GNA14: variants seen among roughly 807,000 people sequenced by gnomAD.
The protein encoded by GNA14 is guanine nucleotide-binding protein subunit alpha-14.
Under a neutral mutation model 42.0 loss-of-function variants are expected in GNA14, and 50 were observed. That is an observed-to-expected ratio of 1.19 (90% CI 0.95 to 1.51). The LOEUF is 1.51. GNA14 is among the 40% of genes most tolerant of loss of function. The pLI is 0.00. For missense variants in GNA14, 473 were observed against 446.2 expected (o/e 1.06, Z -0.54); for synonymous variants, 173 against 163.1 (o/e 1.06, Z -0.46).
chr9:77,575,874 A>G (rs1040532595), intron 1 of GNA14, among the ~76,000 whole-genome samples: 7 of 152,206 alleles, frequency 4.6e-5, no homozygotes, highest in African/African-American at 1.7e-4. Flanking sequence ...GAAGACAAGT[A>G]TAAGAACTGC....
chr9:77,568,522 G>A (rs1823008722), intron 1 of GNA14, among the ~76,000 whole-genome samples: 1 of 151,282 alleles, frequency 6.6e-6, no homozygotes, highest in Non-Finnish European at 1.5e-5. Context: ...AAGAAAGAAA[G>A]AATGTTAACT....
chr9:77,568,794 G>T (rs1823012928), intron 1 of GNA14, among the ~76,000 whole-genome samples: 1 of 152,210 alleles, frequency 6.6e-6, no homozygotes, highest in Non-Finnish European at 1.5e-5. Flanking sequence ...GAGCTGAGGA[G>T]CAGGCTGCAG....
intron 2 of GNA14, among the ~76,000 whole-genome samples, chr9:77,514,699 C>T (rs549449112): frequency 5.3e-5 from 8 of 151,318 alleles, no homozygotes; most frequent in East Asian, 2.0e-4. Context: ...CTGCAAGCTC[C>T]GCCTCCCGGG....
At chr9:77,434,286 G>A in intron 3 of GNA14, 82 bp downstream of exon 3, 2 of 1,295,294 alleles carry the variant, frequency 1.5e-6, no homozygotes, top group Middle Eastern at 2.7e-4. Flanking sequence ...CATTTCAGCA[G>A]CGTTCAGCGA....
intron 2 of GNA14, among the ~76,000 whole-genome samples, chr9:77,495,213 A>G (rs549035149): frequency 1.8e-4 from 27 of 152,298 alleles, no homozygotes; most frequent in South Asian, 6.2e-4. Context: ...CCAGGCTGCT[A>G]CACAGCGAAT....
rs11406003 is a variant in GNA14 at position 77,469,534 on chromosome 9, C to CAA, written c.310-35014_310-35013dup. ...CTCTCTGCAAGAAAAGACTGACAAC[C>CAA]AAAAAAAAAAAAAGTCTGGTTAAAG... On this transcript the variant is annotated intron_variant, in intron 2 of 6. Transcript: ENST00000341700. Among the ~76,000 whole-genome samples, 204 of 144,882 alleles carry CAA rather than the reference C, an allele frequency of 1.4e-3. 3 individuals are homozygous for CAA. In the South Asian group the frequency reaches 0.02, roughly 15 times the overall value.
At chr9:77,492,772 C>T (rs1836799141) in intron 2 of GNA14, among the ~76,000 whole-genome samples, 1 of 151,780 alleles carries the variant, frequency 6.6e-6, no homozygotes. Context: ...GAGGCCAAGG[C>T]AGGCAGATCA....
intron 1 of GNA14, among the ~76,000 whole-genome samples, chr9:77,571,072 T>G (rs866636863): frequency 1.3e-5 from 2 of 151,138 alleles, no homozygotes; most frequent in Admixed American, 6.6e-5. Flanking sequence ...AAAAATGGGC[T>G]AGAATTGTAT....
rs189427883 is a variant in GNA14, at chr9:77,492,646, A to G, written c.309+36423T>C. 2.8e-3 allele frequency among the ~76,000 whole-genome samples: 427 copies of G among 152,264 alleles called. 3 individuals carry two copies. The highest frequency in any genetic ancestry group is 9.6e-3 in the African/African-American group (401 of 41,560). ...AGAAAACCCTAACGCAATGTATAGC[A>G]TCTTAACATGCATTTCCCAGAACCC... On this transcript the variant is annotated intron_variant, in intron 2 of 6. Coordinates refer to ENST00000341700, the MANE Select transcript of GNA14 (RefSeq NM_004297.4).
chr9:77,530,394 C>T (rs1837509370), intron 1 of GNA14, among the ~76,000 whole-genome samples: 1 of 152,106 alleles, frequency 6.6e-6, no homozygotes, highest in Non-Finnish European at 1.5e-5. Context: ...CTGAGGCCTC[C>T]CCAGAAGCCG....
chr9:77,494,003 C>T (rs764951148), intron 2 of GNA14, among the ~76,000 whole-genome samples: 16 of 152,184 alleles, frequency 1.1e-4, no homozygotes, highest in Admixed American at 4.6e-4. Flanking sequence ...TCACAGCAAC[C>T]TCCGCCTCCC....
At chr9:77,531,074 A>G (rs1187466973) in intron 1 of GNA14, among the ~76,000 whole-genome samples, 1 of 152,204 alleles carries the variant, frequency 6.6e-6, no homozygotes, top group Non-Finnish European at 1.5e-5. Flanking sequence ...TGCCTTGGAT[A>G]CCCAGAAGCA....
chr9:77,487,732 TAGC>T (rs1421493556), intron 2 of GNA14, among the ~76,000 whole-genome samples: 2 of 152,146 alleles, frequency 1.3e-5, no homozygotes, highest in African/African-American at 4.8e-5. Context: ...TGTGGGTAAA[TAGC>T]AGTAAGAATA....
At chr9:77,490,244 T>C (rs957317024) in intron 2 of GNA14, among the ~76,000 whole-genome samples, 5 of 152,258 alleles carry the variant, frequency 3.3e-5, no homozygotes, top group African/African-American at 1.2e-4. Flanking sequence ...GGGTGCTGAT[T>C]GCTGTGTTTA....
chr9:77,512,847 C>T (rs533283349), intron 2 of GNA14, among the ~76,000 whole-genome samples: 1 of 152,210 alleles, frequency 6.6e-6, no homozygotes, highest in African/African-American at 2.4e-5. Context: ...TTTACTGGCA[C>T]TGGTTCGAAG....
At chr9:77,452,957 T>C (rs66515057) in intron 2 of GNA14, among the ~76,000 whole-genome samples, 16,473 of 151,802 alleles carry the variant, frequency 0.11, 1,041 homozygotes, top group African/African-American at 0.16. Flanking sequence ...CATAGCGACA[T>C]TCCCTCATCC....
chr9:77,538,315 C>T lies in GNA14; in HGVS notation c.125-9062G>A, dbSNP rs543239615. Among the ~76,000 whole-genome samples, 46 of 152,210 alleles carry T rather than the reference C, an allele frequency of 3.0e-4. 1 individual carries two copies. The South Asian group carries it at 9.5e-3, about 32-fold the overall frequency. ...TCTTGAAATCCTGACCTCAAGTGAT[C>T]CTCCTGCCTTGGCCTCCAAACATGT... On this transcript the variant is annotated intron_variant, in intron 1 of 6. Coordinates refer to ENST00000341700, the MANE Select transcript of GNA14 (RefSeq NM_004297.4).
intron 1 of GNA14, among the ~76,000 whole-genome samples, chr9:77,573,428 A>G (rs1330461528): frequency 6.6e-6 from 1 of 152,142 alleles, no homozygotes; most frequent in Non-Finnish European, 1.5e-5. Flanking sequence ...CAGCCTGGGC[A>G]ACAAAGTGAC....
intron 1 of GNA14, among the ~76,000 whole-genome samples, chr9:77,589,337 C>A (rs1564060800): frequency 6.6e-6 from 1 of 152,162 alleles, no homozygotes; most frequent in Admixed American, 6.5e-5. Flanking sequence ...GTTACCAATT[C>A]CTTTGACTTT....
Sources: allele counts gnomAD v4.1 joint callset (sites outside exome capture counted in the v4.1 genomes callset), GRCh38; gene constraint gnomAD v4.1.1; transcripts MANE v1.5; gene names NCBI Gene and HGNC (gene_info 2026-07-23, HGNC 2026-07-21).